Variants in CEP72 observed in about 807,000 individuals in gnomAD.
The protein encoded by CEP72 is centrosomal protein of 72 kDa.
Under a neutral mutation model 65.7 loss-of-function variants are expected in CEP72, and 78 were observed. That is an observed-to-expected ratio of 1.19 (90% CI 0.99 to 1.43). The LOEUF (loss-of-function observed/expected upper bound fraction) is 1.43, where lower values mean the gene tolerates loss of function less well. CEP72 is among the 40% of genes most tolerant of loss of function. The pLI, the probability that CEP72 is intolerant of heterozygous loss-of-function variation, is 0.00. For missense variants in CEP72, 914 were observed against 832.9 expected (o/e 1.10, Z -1.20); for synonymous variants, 358 against 351.7 (o/e 1.02, Z -0.20).
In CEP72 at chr5:617,231, G is replaced by C. The variant is rs534751811; in HGVS notation, c.83-1759G>C. On this transcript the variant is annotated intron_variant, in intron 1 of 11. Transcript: ENST00000264935. ...TCTCGAGTGCCGAGGCCCCTGGCTGGTTGGCTTCTGTTCCTTTCAGTCCCC... is the reference window on the plus strand; with the variant it reads ...TCTCGAGTGCCGAGGCCCCTGGCTGCTTGGCTTCTGTTCCTTTCAGTCCCC... Among the ~76,000 whole-genome samples the C allele has an allele frequency of 3.9e-5, 6 of 152,312 alleles. No homozygotes were observed. In the South Asian group the frequency reaches 1.2e-3, roughly 32 times the overall value.
intron 4 of CEP72, among the ~76,000 whole-genome samples, chr5:626,056 G>A (rs1000323680): frequency 1.3e-5 from 2 of 151,810 alleles, no homozygotes; most frequent in Non-Finnish European, 2.9e-5. Flanking sequence ...GGCAGGGGGG[G>A]GCGGCACAGT....
chr5:626,776 G>A (rs142001815), intron 4 of CEP72, among the ~76,000 whole-genome samples: 11 of 152,244 alleles, frequency 7.2e-5, no homozygotes, highest in South Asian at 6.2e-4. Context: ...AGCTATGATC[G>A]CACCACTGCA....
the CEP72 span, among the ~76,000 whole-genome samples, chr5:675,662 CTGAG>C: frequency 2.0e-5 from 3 of 151,916 alleles, no homozygotes; most frequent in Non-Finnish European, 4.4e-5. Flanking sequence ...CCCTCGAGGG[CTGAG>C]CCCCAGCCCT....
intron 11 of CEP72, among the ~76,000 whole-genome samples, chr5:649,651 A>C (rs901778630): frequency 5.6e-4 from 32 of 57,102 alleles, no homozygotes; most frequent in Admixed American, 1.6e-3. Context: ...GTGAGGTGTG[A>C]CTGTGAGGTG....
downstream of CEP72, among the ~76,000 whole-genome samples, chr5:671,173 C>T (rs116774199): frequency 2.0e-3 from 309 of 152,160 alleles, 3 homozygotes; most frequent in African/African-American, 7.1e-3. Context: ...AGCGCACTGT[C>T]TCCCTCTGGG....
At position 665,450 on chromosome 5, in the gene CEP72, T is replaced by C. The variant is rs1739856878; in HGVS notation, n.433+125T>C. The C allele has an allele frequency of 1.5e-5, 11 of 721,472 alleles. No homozygotes were observed. The South Asian group carries it at 2.1e-4, about 14-fold the overall frequency. 44.7% of individuals were successfully genotyped at this position (721,472 alleles called of 1,614,324 possible). A position where few individuals can be genotyped will look rare whatever the true frequency, so the allele number is the denominator to read the frequency against. On this transcript the variant is annotated intron_variant and non_coding_transcript_variant, in intron 3 of 4. Coordinates refer to the CEP72 transcript ENST00000514507. ...TTATGCCCCTTTTAATTCTTATTTT[T>C]ACCTCTCCTGACCCTGGGGCAGCCT...
At chr5:626,557 C>CA (rs1328191489) in intron 4 of CEP72, among the ~76,000 whole-genome samples, 3 of 152,234 alleles carry the variant, frequency 2.0e-5, no homozygotes, top group African/African-American at 7.2e-5. Context: ...CAGTGGCTAA[C>CA]ACCTGTAATC....
chr5:619,193 T>G, intron 2 of CEP72, 76 bp downstream of exon 2: 3 of 1,416,504 alleles, frequency 2.1e-6, no homozygotes. Flanking sequence ...AGAAACGGAG[T>G]CTGTTTTGTA....
chr5:639,009 C>G, intron 7 of CEP72, 80 bp from the exon 8 acceptor site: 5 of 1,574,856 alleles, frequency 3.2e-6, no homozygotes, highest in Non-Finnish European at 4.3e-6. Flanking sequence ...GAGGGCATCC[C>G]AGGGTGCGCT....
chr5:654,186 ACTAG>A (rs1317623851), downstream of CEP72, among the ~76,000 whole-genome samples: 9 of 119,324 alleles, frequency 7.5e-5, no homozygotes, highest in African/African-American at 1.0e-4. Flanking sequence ...TGCTCTGTGT[ACTAG>A]CTGTGTGTGC....
intron 4 of CEP72, among the ~76,000 whole-genome samples, chr5:629,196 C>T (rs77471615): frequency 3.9e-5 from 6 of 152,250 alleles, no homozygotes; most frequent in Non-Finnish European, 8.8e-5. Context: ...TATAGAGGGT[C>T]ACCATGCTAA....
At chr5:674,051 C>T in the CEP72 span, among the ~76,000 whole-genome samples, 3 of 152,290 alleles carry the variant, frequency 2.0e-5, no homozygotes, top group South Asian at 2.1e-4. Flanking sequence ...TCCGGGCCAG[C>T]GCCAAGGCTG....
At chr5:632,063 C>T (rs1289794666) in intron 4 of CEP72, among the ~76,000 whole-genome samples, 2 of 49,418 alleles carry the variant, frequency 4.0e-5, no homozygotes, top group African/African-American at 1.1e-4. Context: ...TGTCCAGTGC[C>T]GGGATTTGGC....
chr5:641,389 C>T (rs985596952), intron 9 of CEP72: 13 of 985,354 alleles, frequency 1.3e-5, no homozygotes, highest in African/African-American at 1.7e-5. Flanking sequence ...GCCTTGTCAG[C>T]ATCTTTAAAT....
At chr5:617,051 C>T (rs1736041643) in intron 1 of CEP72, among the ~76,000 whole-genome samples, 2 of 152,066 alleles carry the variant, frequency 1.3e-5, no homozygotes, top group Admixed American at 6.6e-5. Context: ...CTGCCAGGCC[C>T]CTCCTGGTCC....
In CEP72 at chr5:623,910, A is replaced by C. The variant is rs1418427508; in HGVS notation, c.404-561A>C. ...AGCGTGGGAACTTGTCACAGAATTC[A>C]CATTACAAATGGGGGTTAAGATGTG... On this transcript the variant is annotated intron_variant, in intron 3 of 11. Transcript: ENST00000264935. The surrounding 1 kb of genome is among the most constrained non-coding windows in gnomAD (Gnocchi z 5.3). 6.6e-6 allele frequency among the ~76,000 whole-genome samples: 1 copy of C among 152,216 alleles called. No homozygotes were observed. Among genetic ancestry groups the C allele is most frequent in the African/African-American group, 2.4e-5 (1 of 41,458 alleles).
In CEP72 at chr5:663,851, G is replaced by A. The variant is rs774294305; in HGVS notation, n.287+279G>A. 3.3e-5 allele frequency: 5 copies of A among 152,476 alleles called. No individual in the cohort carries two copies. In the South Asian group the frequency reaches 6.2e-4, roughly 19 times the overall value. The allele number at this position is 152,476 out of a possible 1,614,324, so 9.4% of individuals were successfully genotyped here. The stretch of plus-strand genomic sequence containing the variant: ...CACACGTGTGGCTGTGGCTGTGTGC[G>A]TGCCAAGGGACAGTGGCAGTGTGCC... On this transcript the variant is annotated intron_variant and non_coding_transcript_variant, in intron 2 of 4. Coordinates refer to the CEP72 transcript ENST00000514507.
At chr5:652,911 G>A (rs1739200066) in intron 11 of CEP72, 77 bp from the exon 12 acceptor site, 3 of 1,437,762 alleles carry the variant, frequency 2.1e-6, no homozygotes, top group South Asian at 2.9e-5. Flanking sequence ...CAGGGAGGTG[G>A]GCAGGCCCAG....
intron 9 of CEP72, chr5:642,403 C>T: frequency 3.0e-6 from 3 of 985,476 alleles, no homozygotes; most frequent in Non-Finnish European, 3.6e-6. Flanking sequence ...GTCTGGAAGC[C>T]TTTATACTGA....
Sources: allele counts gnomAD v4.1 joint callset (sites outside exome capture counted in the v4.1 genomes callset), GRCh38; gene constraint gnomAD v4.1.1; non-coding constraint Gnocchi (gnomAD v3.1); transcripts MANE v1.5; gene names NCBI Gene and HGNC (gene_info 2026-07-23, HGNC 2026-07-21).